Variants in ALDH1A2 observed in about 807,000 individuals in gnomAD.
ALDH1A2 encodes the protein retinal dehydrogenase 2.
Under a neutral mutation model 60.3 loss-of-function variants are expected in ALDH1A2, and 27 were observed. That is an observed-to-expected ratio of 0.45 (90% CI 0.33 to 0.62). The LOEUF is 0.62. Ranked by LOEUF, ALDH1A2 falls within the 20% of genes least tolerant of loss-of-function variation. The probability of loss-of-function intolerance (pLI) is 0.02; values close to 1 mark genes in which losing one functional copy is unlikely to be tolerated. For synonymous variants in ALDH1A2, 289 were observed against 232.4 expected (o/e 1.24, Z -2.21); for missense variants, 581 against 643.8 (o/e 0.90, Z 1.06).
In ALDH1A2 at chr15:57,992,702, T is replaced by TAC; in HGVS notation, c.798+1_798+2dup. The TAC allele has an allele frequency of 6.2e-7, 1 of 1,613,642 alleles. No homozygotes were observed. Among genetic ancestry groups the TAC allele is most frequent in the Admixed American group, 1.7e-5 (1 of 60,018 alleles). On this transcript the variant is annotated splice_region_variant and intron_variant, in intron 7 of 12. Coordinates refer to ENST00000249750, the MANE Select transcript of ALDH1A2 (RefSeq NM_003888.4). Reference sequence around the variant, plus strand: ...CTCAAGCCCTGGTTTTTCAGATACCTACCTCAGTAGACCCTGTGAATGCAA... The same window carrying TAC: ...CTCAAGCCCTGGTTTTTCAGATACCTACACCTCAGTAGACCCTGTGAATGCAA...
intron 1 of ALDH1A2, among the ~76,000 whole-genome samples, chr15:58,041,504 C>T (rs1291747562): frequency 2.0e-5 from 3 of 151,796 alleles, no homozygotes; most frequent in African/African-American, 4.8e-5. Flanking sequence ...TCCTGGAAGC[C>T]GGGAATTTCT....
chr15:57,983,810 C>G (rs1423933468), intron 7 of ALDH1A2, among the ~76,000 whole-genome samples: 1 of 152,126 alleles, frequency 6.6e-6, no homozygotes, highest in Non-Finnish European at 1.5e-5. Flanking sequence ...CTTTGCCTCT[C>G]CAAGATCTAT....
intron 7 of ALDH1A2, among the ~76,000 whole-genome samples, chr15:57,967,797 C>A (rs1371201135): frequency 6.6e-6 from 1 of 152,202 alleles, no homozygotes; most frequent in African/African-American, 2.4e-5. Flanking sequence ...CTTCCCCCGC[C>A]CTTGCCATTT....
At chr15:58,052,633 A>T (rs556330954) in intron 1 of ALDH1A2, among the ~76,000 whole-genome samples, 1 of 152,224 alleles carries the variant, frequency 6.6e-6, no homozygotes, top group Non-Finnish European at 1.5e-5. Context: ...TATAGAATAG[A>T]TAATAAATGA....
chr15:57,989,755 G>C (rs111809946), intron 7 of ALDH1A2, among the ~76,000 whole-genome samples: 160 of 152,188 alleles, frequency 1.1e-3, no homozygotes, highest in African/African-American at 3.7e-3. Context: ...AAATTGTTTT[G>C]AAGTAACTAA....
intron 1 of ALDH1A2, among the ~76,000 whole-genome samples, chr15:58,034,653 G>A (rs1218760172): frequency 6.6e-6 from 1 of 151,530 alleles, no homozygotes; most frequent in Non-Finnish European, 1.5e-5. Flanking sequence ...CATAATTTTT[G>A]AGAGTCTTCC....
intron 7 of ALDH1A2, among the ~76,000 whole-genome samples, chr15:57,988,562 G>A (rs576436457): frequency 6.6e-6 from 1 of 152,300 alleles, no homozygotes; most frequent in South Asian, 2.1e-4. Flanking sequence ...AAAAGAATCA[G>A]TGGTTGCCAG....
chr15:57,971,371 T>C (rs1894061175), intron 7 of ALDH1A2, among the ~76,000 whole-genome samples: 1 of 152,216 alleles, frequency 6.6e-6, no homozygotes, highest in Admixed American at 6.5e-5. Flanking sequence ...TCTCACATTG[T>C]GCTTGTTTAA....
At chr15:57,989,500 T>C (rs987948270) in intron 7 of ALDH1A2, among the ~76,000 whole-genome samples, 18 of 152,188 alleles carry the variant, frequency 1.2e-4, no homozygotes, top group African/African-American at 1.7e-4. Context: ...GCCTATATTA[T>C]AGTAACACAT....
intron 1 of ALDH1A2, among the ~76,000 whole-genome samples, chr15:58,046,190 T>A (rs916059359): frequency 6.6e-6 from 1 of 152,056 alleles, no homozygotes; most frequent in Non-Finnish European, 1.5e-5. Flanking sequence ...TAGTCTGACA[T>A]GTGAATGGTG....
At position 58,060,799 on chromosome 15, in the gene ALDH1A2, C is replaced by T. The variant is rs536546532; in HGVS notation, c.117+4735G>A. 3.3e-5 allele frequency among the ~76,000 whole-genome samples: 5 copies of T among 152,290 alleles called. No individual in the cohort carries two copies. The South Asian group carries it at 1.0e-3, about 32-fold the overall frequency. On this transcript the variant is annotated intron_variant, in intron 1 of 12. Transcript: ENST00000249750. ...CAGACAGTCCACAGTTTGCTGACCC[C>T]TGATACTGTCACTAAGATAACTCAA...
chr15:58,063,271 T>A (rs1412262517), intron 1 of ALDH1A2, among the ~76,000 whole-genome samples: 1 of 152,220 alleles, frequency 6.6e-6, no homozygotes, highest in African/African-American at 2.4e-5. Context: ...CATTTTCTGA[T>A]GCAAATATTG....
chr15:57,970,685 T>C (rs1279639911), intron 7 of ALDH1A2, among the ~76,000 whole-genome samples: 1 of 152,202 alleles, frequency 6.6e-6, no homozygotes, highest in African/African-American at 2.4e-5. Flanking sequence ...TCAGAGCTAT[T>C]TTATTACACA....
At chr15:57,980,265 C>A in intron 7 of ALDH1A2, 1 of 357,780 alleles carries the variant, frequency 2.8e-6, no homozygotes. Flanking sequence ...ACCTTCCCTG[C>A]TAGGGCAAAA....
chr15:58,060,595 G>A (rs532106716), intron 1 of ALDH1A2, among the ~76,000 whole-genome samples: 1 of 150,346 alleles, frequency 6.7e-6, no homozygotes, highest in South Asian at 2.1e-4. Context: ...TTGATCAAAG[G>A]CTTATTTTAA....
At position 58,044,274 on chromosome 15, in the gene ALDH1A2, A is replaced by G. The variant is rs143887251; in HGVS notation, c.117+21260T>C. Among the ~76,000 whole-genome samples the G allele has an allele frequency of 3.3e-3, 506 of 152,080 alleles. 3 individuals are homozygous for G. Among genetic ancestry groups the G allele is most frequent in the African/African-American group, 0.012 (479 of 41,514 alleles). On this transcript the variant is annotated intron_variant, in intron 1 of 12. Coordinates refer to ENST00000249750, the MANE Select transcript of ALDH1A2 (RefSeq NM_003888.4). ...CATCTAGGTTTTAAACCCTGTGCACATTAGGTATTTGTCCTAATGCTCTCC... is the reference window on the plus strand; with the variant it reads ...CATCTAGGTTTTAAACCCTGTGCACGTTAGGTATTTGTCCTAATGCTCTCC...
At chr15:57,963,580 T>C (rs1375380973) in intron 9 of ALDH1A2, among the ~76,000 whole-genome samples, 2 of 152,150 alleles carry the variant, frequency 1.3e-5, no homozygotes, top group East Asian at 1.9e-4. Flanking sequence ...CCTGACCTCA[T>C]GATCCGCCCG....
At chr15:58,032,364 G>C (rs1896263178) in intron 1 of ALDH1A2, among the ~76,000 whole-genome samples, 1 of 152,124 alleles carries the variant, frequency 6.6e-6, no homozygotes, top group Non-Finnish European at 1.5e-5. Flanking sequence ...GTGGGGTGGG[G>C]GAAGGGGGTA....
At chr15:57,971,968 G>A (rs778145250) in intron 7 of ALDH1A2, among the ~76,000 whole-genome samples, 10 of 152,064 alleles carry the variant, frequency 6.6e-5, no homozygotes, top group Non-Finnish European at 1.2e-4. Flanking sequence ...GGGCTCACAC[G>A]ATCTTCTGGT....
Sources: allele counts gnomAD v4.1 joint callset (sites outside exome capture counted in the v4.1 genomes callset), GRCh38; gene constraint gnomAD v4.1.1; transcripts MANE v1.5; gene names NCBI Gene and HGNC (gene_info 2026-07-23, HGNC 2026-07-21).